The following PEX14 variants were observed in gnomAD, a reference collection of about 807,000 sequenced individuals.
PEX14 encodes the protein peroxisomal biogenesis factor 14, also known as peroxisomal membrane protein PEX14.
PEX14 carries 15 observed loss-of-function variants against 49.5 expected under a neutral mutation model. The ratio of observed to expected loss-of-function variants is 0.30; its 90% confidence interval spans 0.20 to 0.47. The LOEUF (loss-of-function observed/expected upper bound fraction) is 0.47, where lower values mean the gene tolerates loss of function less well. Among genes scored for constraint, PEX14 ranks in the 20% least tolerant of loss-of-function variants. The probability of loss-of-function intolerance (pLI) is 1.00; values close to 1 mark genes in which losing one functional copy is unlikely to be tolerated. For missense variants in PEX14, 398 were observed against 494.8 expected, an observed-to-expected ratio of 0.80 and a Z score of 1.86; for synonymous variants, 210 against 212.7, an observed-to-expected ratio of 0.99 and a Z score of 0.11.
intron 3 of PEX14, among the ~76,000 whole-genome samples, chr1:10,571,757 C>T (rs1639984915): frequency 1.3e-5 from 2 of 151,932 alleles, no homozygotes; most frequent in South Asian, 2.1e-4. Flanking sequence ...TGCAGGGAGC[C>T]GTGATTGTGC....
At chr1:10,505,063 T>TA (rs1328014089) in intron 2 of PEX14, among the ~76,000 whole-genome samples, 1 of 152,224 alleles carries the variant, frequency 6.6e-6, no homozygotes, top group Non-Finnish European at 1.5e-5. Context: ...GTGTTGGAAT[T>TA]ACAGGCATGA....
chr1:10,568,220 G>T (rs949336007), intron 3 of PEX14, among the ~76,000 whole-genome samples: 1 of 151,334 alleles, frequency 6.6e-6, no homozygotes, highest in Admixed American at 6.6e-5. Flanking sequence ...GATTGTGAAC[G>T]TATGATGTGT....
chr1:10,504,973 CGG>C (rs1557815881), intron 2 of PEX14, among the ~76,000 whole-genome samples: 1 of 151,958 alleles, frequency 6.6e-6, no homozygotes, highest in African/African-American at 2.4e-5. Context: ...TTAGTAGAGA[CGG>C]AGTTTCAACA....
intron 3 of PEX14, among the ~76,000 whole-genome samples, chr1:10,564,402 C>A (rs1639741491): frequency 6.6e-6 from 1 of 151,030 alleles, no homozygotes; most frequent in Non-Finnish European, 1.5e-5. Context: ...TCAATTATTG[C>A]ATTTTACAAT....
At chr1:10,476,539 C>T (rs1007980793) in intron 1 of PEX14, among the ~76,000 whole-genome samples, 2 of 152,146 alleles carry the variant, frequency 1.3e-5, no homozygotes, top group Non-Finnish European at 2.9e-5. Flanking sequence ...CTCTCTCTGT[C>T]GCCCATGCTG....
At chr1:10,492,118 A>C (rs576321353) in intron 1 of PEX14, among the ~76,000 whole-genome samples, 129 of 152,332 alleles carry the variant, frequency 8.5e-4, no homozygotes, top group Middle Eastern at 3.4e-3. Flanking sequence ...AAAACAATTC[A>C]TTTACATGGC....
intron 1 of PEX14, among the ~76,000 whole-genome samples, chr1:10,477,144 C>G (rs11121577): frequency 0.041 from 6,159 of 151,636 alleles, 443 homozygotes; most frequent in African/African-American, 0.14. Flanking sequence ...GATCTCTGCT[C>G]ACTGCAACCT....
Position 10,599,273 on chromosome 1 carries a change from C to A in PEX14, c.205C>A (p.Gln69Lys), listed in dbSNP as rs777243596. The change falls in exon 4 of 9, where the codon CAG becomes AAG. Residue 69 changes from glutamine (Q) to lysine (K), a missense_variant. Physicochemically the swap from Gln to Lys is moderately conservative, Grantham distance 53. Around this residue, in one of 3 missense-constraint regions of PEX14, gnomAD observed 202 missense variants for 298.5 expected, o/e 0.68. Transcript: ENST00000356607. ...TGAAGAGATTGATATGGCCTTCCAG[C>A]AGTCGGGCACTGCTGCCGATGAGCC... is the stretch of plus-strand genomic sequence containing the variant. ...TDEEIDMAFQ[Q>K]SGTAADEPSS... 7 of 1,613,944 alleles carry A rather than the reference C, an allele frequency of 4.3e-6. No homozygotes were observed. Among genetic ancestry groups the A allele is most frequent in the Non-Finnish European group, 5.1e-6 (6 of 1,179,888 alleles).
intron 3 of PEX14, among the ~76,000 whole-genome samples, chr1:10,589,876 T>A (rs1323652367): frequency 6.6e-6 from 1 of 152,228 alleles, no homozygotes; most frequent in Non-Finnish European, 1.5e-5. Context: ...TTGGGCATCC[T>A]CTTGTTTAAA....
chr1:10,621,457 C>T (rs1641591212), intron 5 of PEX14, among the ~76,000 whole-genome samples: 1 of 151,744 alleles, frequency 6.6e-6, no homozygotes. Context: ...AGCGATTCTC[C>T]AGCCACAGCC....
At chr1:10,528,661 G>A (rs1638559680) in intron 2 of PEX14, among the ~76,000 whole-genome samples, 1 of 152,178 alleles carries the variant, frequency 6.6e-6, no homozygotes, top group African/African-American at 2.4e-5. Context: ...AGGGAAATTA[G>A]AGGAATATTG....
chr1:10,538,413 A>T (rs1018930397), intron 3 of PEX14, among the ~76,000 whole-genome samples: 2 of 152,168 alleles, frequency 1.3e-5, no homozygotes, highest in African/African-American at 4.8e-5. Flanking sequence ...TCGTCCTCTA[A>T]AGAGAACCAT....
intron 1 of PEX14, among the ~76,000 whole-genome samples, chr1:10,481,781 T>C (rs767335741): frequency 6.6e-6 from 1 of 151,970 alleles, no homozygotes; most frequent in African/African-American, 2.4e-5. Context: ...TATACAGTTA[T>C]TGTATGAATG....
intron 3 of PEX14, among the ~76,000 whole-genome samples, chr1:10,540,185 T>C (rs1216707672): frequency 6.6e-6 from 1 of 152,196 alleles, no homozygotes; most frequent in African/African-American, 2.4e-5. Context: ...ACCGCCTCCT[T>C]GCTGGAAATG....
At chr1:10,580,741 G>T (rs533379401) in intron 3 of PEX14, among the ~76,000 whole-genome samples, 2 of 151,232 alleles carry the variant, frequency 1.3e-5, no homozygotes, top group South Asian at 4.2e-4. Context: ...TAAATATCCA[G>T]AAGAGGATAC....
intron 2 of PEX14, among the ~76,000 whole-genome samples, chr1:10,520,148 C>CTTTTTTTT (rs565247030): frequency 0.037 from 2,560 of 68,910 alleles, 232 homozygotes; most frequent in African/African-American, 0.074. Context: ...CCTTCTTCTT[C>CTTTTTTTT]TTTTTTTTTT....
intron 7 of PEX14, among the ~76,000 whole-genome samples, chr1:10,624,833 CAG>C (rs962847006): frequency 1.3e-5 from 2 of 152,120 alleles, no homozygotes; most frequent in Non-Finnish European, 2.9e-5. Flanking sequence ...CTGGAACAGA[CAG>C]GGGAGAAGCG....
chr1:10,515,713 T>TA (rs1055785703), intron 2 of PEX14, among the ~76,000 whole-genome samples: 3 of 152,074 alleles, frequency 2.0e-5, no homozygotes, highest in African/African-American at 4.8e-5. Flanking sequence ...CAAACCAAAG[T>TA]AAAAAATCCT....
chr1:10,603,723 G>A (rs571356754), intron 4 of PEX14, among the ~76,000 whole-genome samples: 129 of 152,262 alleles, frequency 8.5e-4, no homozygotes, highest in African/African-American at 2.8e-3. Flanking sequence ...ATTTGTCTTC[G>A]TCCTCCCAGA....
Sources: allele counts gnomAD v4.1 joint callset (sites outside exome capture counted in the v4.1 genomes callset), GRCh38; gene constraint gnomAD v4.1.1; regional missense constraint gnomAD v4.1.1; transcripts MANE v1.5; gene names NCBI Gene and HGNC (gene_info 2026-07-23, HGNC 2026-07-21).